Variants in DUSP22 observed in about 807,000 individuals in gnomAD.
The protein encoded by DUSP22 is dual specificity protein phosphatase 22.
Under a neutral mutation model 24.5 loss-of-function variants are expected in DUSP22, and 24 were observed. The observed-to-expected ratio is 0.98, with a 90% confidence interval of 0.71 to 1.38. DUSP22 has a LOEUF of 1.38. DUSP22 is among the 40% of genes most tolerant of loss of function. DUSP22 has a pLI of 0.00. For missense variants in DUSP22, 330 were observed against 269.2 expected, an observed-to-expected ratio of 1.23 and a Z score of -1.58; for synonymous variants, 160 against 106.4, an observed-to-expected ratio of 1.50 and a Z score of -3.10.
intron 1 of DUSP22, among the ~76,000 whole-genome samples, chr6:293,214 C>G (rs1430885900): frequency 6.6e-6 from 1 of 152,288 alleles, no homozygotes; most frequent in Non-Finnish European, 1.5e-5. Context: ...TTGTCCCGTC[C>G]GTTTCTGGGC....
At chr6:344,957 G>T (rs1447804375) in intron 4 of DUSP22, among the ~76,000 whole-genome samples, 2 of 152,310 alleles carry the variant, frequency 1.3e-5, no homozygotes, top group African/African-American at 4.8e-5. Flanking sequence ...TGCTGCTGGG[G>T]CATTGAGGGG....
intron 3 of DUSP22, among the ~76,000 whole-genome samples, chr6:322,646 G>A (rs1330032708): frequency 3.3e-5 from 5 of 152,288 alleles, no homozygotes; most frequent in African/African-American, 1.2e-4. Flanking sequence ...GCTTAGGTTG[G>A]TAGAAACAAC....
chr6:306,725 C>T (rs1007052415), intron 2 of DUSP22, among the ~76,000 whole-genome samples: 15 of 152,308 alleles, frequency 9.8e-5, no homozygotes, highest in Non-Finnish European at 2.2e-4. Flanking sequence ...TTCACTTGTT[C>T]ATTGCACAAG....
intron 1 of DUSP22, among the ~76,000 whole-genome samples, chr6:293,998 A>G (rs1056155015): frequency 2.0e-5 from 3 of 152,268 alleles, no homozygotes; most frequent in Non-Finnish European, 4.4e-5. Flanking sequence ...TGGTGGTGGT[A>G]TCTCAGCTTT....
rs552988475 is a variant in DUSP22 at position 348,979 on chromosome 6, A to G, written c.*28A>G. 17 of 1,558,670 alleles carry G rather than the reference A, an allele frequency of 1.1e-5. No homozygotes were observed. In the African/African-American group the frequency reaches 1.8e-4, roughly 16 times the overall value. On this transcript the variant is annotated 3_prime_UTR_variant, in exon 7 of 7. Coordinates refer to ENST00000419235, the MANE Select transcript of DUSP22 (RefSeq NM_001286555.3). ...CAAGCGACCTGCTGCCTTCCTTCCC[A>G]CTGCTTGTCTTCAGTGTGCCCGGCT...
At position 350,361 on chromosome 6, in the gene DUSP22, G is replaced by C; in HGVS notation, c.*1410G>C. 8.5e-6 allele frequency: 9 copies of C among 1,058,758 alleles called. No homozygotes were observed. Among genetic ancestry groups the C allele is most frequent in the Non-Finnish European group, 1.0e-5 (9 of 875,006 alleles). The allele number at this position is 1,058,758 out of a possible 1,614,324, so 65.6% of individuals were successfully genotyped here. On this transcript the variant is annotated 3_prime_UTR_variant, in exon 7 of 7. Transcript: ENST00000419235. Reference sequence around the variant, plus strand: ...ATTCAGTGGTCTAGTCCTTTATACCGACTCAGATTCCTTAAGCATGCAGAG... The same window carrying C: ...ATTCAGTGGTCTAGTCCTTTATACCCACTCAGATTCCTTAAGCATGCAGAG...
intron 4 of DUSP22, among the ~76,000 whole-genome samples, chr6:340,711 C>T (rs545086560): frequency 3.5e-3 from 526 of 152,216 alleles, no homozygotes; most frequent in African/African-American, 0.012. Flanking sequence ...GCTGTTATAG[C>T]GTGGTCTGGT....
rs376352810 is a variant in DUSP22 at position 304,582 on chromosome 6, C to G, written c.22-46C>G. On this transcript the variant is annotated intron_variant, in intron 1 of 6. Coordinates refer to ENST00000419235, the MANE Select transcript of DUSP22 (RefSeq NM_001286555.3). The stretch of plus-strand genomic sequence containing the variant: ...TGAGGCCCCCTTCTGCAATACCATC[C>G]ACTTAGAGTCTGCCATGCTCATGTC... 1.1e-4 allele frequency: 184 copies of G among 1,613,928 alleles called. No individual in the cohort carries two copies. In the African/African-American group the frequency reaches 2.1e-3, roughly 18 times the overall value.
intron 4 of DUSP22, among the ~76,000 whole-genome samples, chr6:341,562 C>A (rs1759608694): frequency 6.6e-6 from 1 of 152,308 alleles, no homozygotes; most frequent in East Asian, 1.9e-4. Context: ...GAATATCTCT[C>A]TGGCTTGGCC....
chr6:310,213 G>A (rs1417890418), intron 2 of DUSP22, among the ~76,000 whole-genome samples: 6 of 152,292 alleles, frequency 3.9e-5, no homozygotes, highest in African/African-American at 7.2e-5. Context: ...GGCCCGTCGC[G>A]GCCTCCCAAA....
At chr6:344,655 C>G (rs1243367440) in intron 4 of DUSP22, among the ~76,000 whole-genome samples, 2 of 152,300 alleles carry the variant, frequency 1.3e-5, no homozygotes, top group East Asian at 3.8e-4. Flanking sequence ...TGTGAGATAC[C>G]AGCCCCACTT....
chr6:331,948 G>A (rs1417282069), intron 3 of DUSP22, among the ~76,000 whole-genome samples: 11 of 152,296 alleles, frequency 7.2e-5, no homozygotes, highest in Non-Finnish European at 1.6e-4. Context: ...GGTGTCCCTT[G>A]AGCATGTGTG....
At chr6:345,783 G>A in intron 4 of DUSP22, 71 bp from the exon 5 acceptor site, 2 of 1,552,404 alleles carry the variant, frequency 1.3e-6, no homozygotes, top group East Asian at 2.3e-5. Context: ...AGAAGCCTCA[G>A]GTAGAATTTT....
At chr6:339,355 T>C (rs1341349681) in intron 4 of DUSP22, among the ~76,000 whole-genome samples, 1 of 152,310 alleles carries the variant, frequency 6.6e-6, no homozygotes, top group Non-Finnish European at 1.5e-5. Context: ...ATGATATAAG[T>C]GAAAGTGTTT....
rs550273733 is a variant in DUSP22 at position 341,244 on chromosome 6, C to G, written c.189-4610C>G. On this transcript the variant is annotated intron_variant, in intron 4 of 6. Transcript: ENST00000419235. ...CTCTCTGTGGACTGAGCCTATTCCACACGGCTGTGCGTGGACGTAAAGGTG... is the reference window on the plus strand; with the variant it reads ...CTCTCTGTGGACTGAGCCTATTCCAGACGGCTGTGCGTGGACGTAAAGGTG... Among the ~76,000 whole-genome samples the G allele has an allele frequency of 2.6e-5, 4 of 152,420 alleles. No homozygotes were observed. In the East Asian group the frequency reaches 5.8e-4, roughly 22 times the overall value.
In DUSP22 at chr6:311,815, C is replaced by G. The variant is rs1758115062; in HGVS notation, c.56-65C>G. On this transcript the variant is annotated intron_variant, in intron 2 of 6. Coordinates refer to ENST00000419235, the MANE Select transcript of DUSP22 (RefSeq NM_001286555.3). Reference sequence around the variant, plus strand: ...TTTGTGGGTTTTTTTTTTTTTCTGGCTAGACTTTAGGAGTAATTAACTTGC... The same window carrying G: ...TTTGTGGGTTTTTTTTTTTTTCTGGGTAGACTTTAGGAGTAATTAACTTGC... The G allele has an allele frequency of 1.1e-5, 16 of 1,420,926 alleles. No homozygotes were observed. In the South Asian group the frequency reaches 1.3e-4, roughly 12 times the overall value. The allele number at this position is 1,420,926 out of a possible 1,614,324, so 88.0% of individuals were successfully genotyped here.
intron 1 of DUSP22, among the ~76,000 whole-genome samples, chr6:302,907 A>T (rs1355401598): frequency 6.6e-6 from 1 of 152,300 alleles, no homozygotes; most frequent in African/African-American, 2.4e-5. Flanking sequence ...GAACTGGATT[A>T]GACATCGGGG....
chr6:335,344 A>G (rs1317652170), intron 4 of DUSP22, among the ~76,000 whole-genome samples, 181 bp downstream of exon 4: 1 of 152,308 alleles, frequency 6.6e-6, no homozygotes, highest in Non-Finnish European at 1.5e-5. Context: ...GAGCTGTGGC[A>G]GGAGGCTCCT....
rs1760049715 is a variant in DUSP22, at chr6:349,187, G to A, written c.*236G>A. On this transcript the variant is annotated 3_prime_UTR_variant, in exon 7 of 7. Coordinates refer to ENST00000419235, the MANE Select transcript of DUSP22 (RefSeq NM_001286555.3). ...CCCCTGGGGATGTTGCCCAGTGGCT[G>A]TGCACTGCTCTGTGCACGTGCGTGT... 3.5e-6 allele frequency: 5 copies of A among 1,424,116 alleles called. No homozygotes were observed. The highest frequency in any genetic ancestry group is 1.4e-5 in the African/African-American group (1 of 69,552). 88.2% of individuals were successfully genotyped at this position (1,424,116 alleles called of 1,614,324 possible).
Sources: gnomAD v4.1 joint callset for allele counts (sites outside exome capture counted in the v4.1 genomes callset) on GRCh38, gnomAD v4.1.1 for gene constraint, MANE v1.5 for transcripts, NCBI Gene and HGNC (gene_info 2026-07-23, HGNC 2026-07-21) for gene names.